HECW1: variants seen among roughly 807,000 people sequenced by gnomAD.
HECW1 encodes the protein E3 ubiquitin-protein ligase HECW1.
In HECW1, 61 loss-of-function variants were observed where a neutral mutation model predicts 182.3. The observed-to-expected ratio is 0.33, with a 90% CI of 0.27 to 0.41. The LOEUF (loss-of-function observed/expected upper bound fraction) is 0.41. Ranked by LOEUF, HECW1 falls within the 10% of genes least tolerant of loss-of-function variation. The probability of loss-of-function intolerance (pLI) is 1.00; values close to 1 mark genes in which losing one functional copy is unlikely to be tolerated. For missense variants in HECW1, 1,739 were observed against 2,108.9 expected (o/e 0.82, Z 3.44); for synonymous variants, 859 against 832.6 (o/e 1.03, Z -0.55).
intron 25 of HECW1, 130 bp from the exon 26 acceptor site, chr7:43,541,739 G>A (rs779414472): frequency 5.1e-6 from 4 of 787,546 alleles, no homozygotes; most frequent in East Asian, 3.0e-5. Context: ...ATTCATCAGT[G>A]GATTCAAAAG....
intron 24 of HECW1, among the ~76,000 whole-genome samples, chr7:43,524,560 A>T (rs1027392098): frequency 6.6e-6 from 1 of 152,268 alleles, no homozygotes; most frequent in Non-Finnish European, 1.5e-5. Context: ...AGTACTTTTC[A>T]TCTTCAAAGA....
chr7:43,443,036 T>C (rs1403734897), intron 10 of HECW1, among the ~76,000 whole-genome samples: 2 of 152,268 alleles, frequency 1.3e-5, no homozygotes, highest in African/African-American at 4.8e-5. Context: ...GAATGTCATG[T>C]TGAAGAACTA....
At chr7:43,559,573 T>C (rs750177107) in intron 29 of HECW1, among the ~76,000 whole-genome samples, 2 of 152,186 alleles carry the variant, frequency 1.3e-5, no homozygotes, top group South Asian at 2.1e-4. Flanking sequence ...ATCCCCACTT[T>C]ACAAGTGAGA....
At chr7:43,530,678 A>T (rs1398622263) in intron 24 of HECW1, among the ~76,000 whole-genome samples, 2 of 152,304 alleles carry the variant, frequency 1.3e-5, no homozygotes, top group East Asian at 3.9e-4. Flanking sequence ...CTTTATTATC[A>T]AAATACCTAC....
At chr7:43,241,980 T>C (rs966892991) in intron 2 of HECW1, among the ~76,000 whole-genome samples, 6 of 151,956 alleles carry the variant, frequency 3.9e-5, no homozygotes, top group Admixed American at 1.3e-4. Flanking sequence ...CACACTGACA[T>C]CTCCAAGGAA....
At chr7:43,506,746 A>G (rs2079590565) in intron 21 of HECW1, among the ~76,000 whole-genome samples, 1 of 152,194 alleles carries the variant, frequency 6.6e-6, no homozygotes, top group Non-Finnish European at 1.5e-5. Context: ...ATGTAGTGAA[A>G]GCTCATCTCT....
chr7:43,114,820 G>A (rs7794462), intron 2 of HECW1, among the ~76,000 whole-genome samples: 49,933 of 151,968 alleles, frequency 0.33, 9,625 homozygotes, highest in East Asian at 0.64. Flanking sequence ...GGTCACATCC[G>A]GAGCTGGAAC....
chr7:43,463,547 T>C, intron 13 of HECW1, 113 bp from the exon 14 acceptor site: 1 of 965,170 alleles, frequency 1.0e-6, no homozygotes, highest in Non-Finnish European at 1.5e-6. Flanking sequence ...AGCATTTCTT[T>C]CCTGACATTC....
intron 3 of HECW1, among the ~76,000 whole-genome samples, chr7:43,310,615 T>G (rs1002544666): frequency 6.6e-6 from 1 of 152,180 alleles, no homozygotes; most frequent in South Asian, 2.1e-4. Context: ...GCTAATAGAC[T>G]TTTTACAACA....
chr7:43,233,270 CAACT>C (rs1261222093), intron 2 of HECW1, among the ~76,000 whole-genome samples: 2 of 152,146 alleles, frequency 1.3e-5, no homozygotes, highest in Non-Finnish European at 2.9e-5. Flanking sequence ...ATCCTATCAC[CAACT>C]AACATAATTT....
chr7:43,187,133 G>A (rs1003778041), intron 2 of HECW1, among the ~76,000 whole-genome samples: 15 of 152,242 alleles, frequency 9.9e-5, no homozygotes, highest in African/African-American at 3.6e-4. Flanking sequence ...TCACCACATG[G>A]TTGTTTTCCT....
At chr7:43,460,114 C>T (rs10487678) in intron 13 of HECW1, among the ~76,000 whole-genome samples, 28,287 of 152,128 alleles carry the variant, frequency 0.19, 2,837 homozygotes, top group South Asian at 0.23. Context: ...CTGCTAAATA[C>T]TAAGATTGCC....
At chr7:43,505,980 C>A (rs76728146) in intron 21 of HECW1, among the ~76,000 whole-genome samples, 2,614 of 152,224 alleles carry the variant, frequency 0.017, 64 homozygotes, top group African/African-American at 0.059. Flanking sequence ...TTGATTCTGA[C>A]CACCTTTAAA....
chr7:43,283,297 G>C (rs899939978), intron 3 of HECW1, among the ~76,000 whole-genome samples: 2 of 152,012 alleles, frequency 1.3e-5, no homozygotes, highest in African/African-American at 2.4e-5. Context: ...AGTGAACACC[G>C]GAGTTTTTCA....
intron 8 of HECW1, among the ~76,000 whole-genome samples, chr7:43,436,129 A>G (rs1175983803): frequency 7.2e-6 from 1 of 138,698 alleles, no homozygotes; most frequent in African/African-American, 2.8e-5. Context: ...GTGCCACTGC[A>G]CTCCAGCCTG....
intron 6 of HECW1, among the ~76,000 whole-genome samples, chr7:43,363,867 C>T (rs577902700): frequency 2.6e-5 from 4 of 152,172 alleles, no homozygotes; most frequent in South Asian, 2.1e-4. Context: ...GGAGCAGAAC[C>T]ACATTTCGCT....
chr7:43,234,952 A>C (rs190533391), intron 2 of HECW1, among the ~76,000 whole-genome samples: 2 of 152,334 alleles, frequency 1.3e-5, no homozygotes, highest in East Asian at 3.9e-4. Context: ...TTTCATGACT[A>C]TCTGGGTCCC....
chr7:43,295,204 G>A (rs879791534), intron 3 of HECW1, among the ~76,000 whole-genome samples: 1 of 152,134 alleles, frequency 6.6e-6, no homozygotes, highest in African/African-American at 2.4e-5. Context: ...AGTTCTGCCT[G>A]TTATTTGTCC....
chr7:43,530,269 G>T (rs79505142), intron 24 of HECW1, among the ~76,000 whole-genome samples: 8,940 of 151,440 alleles, frequency 0.059, 875 homozygotes, highest in African/African-American at 0.2. Flanking sequence ...ATGCTTTACT[G>T]TAATCGACAC....
Sources: allele counts gnomAD v4.1 joint callset (sites outside exome capture counted in the v4.1 genomes callset), GRCh38; gene constraint gnomAD v4.1.1; transcripts MANE v1.5; gene names NCBI Gene and HGNC (gene_info 2026-07-23, HGNC 2026-07-21).